RARB: variants seen among roughly 807,000 people sequenced by gnomAD.
RARB encodes HBV-activated protein.
In RARB, 17 loss-of-function variants were observed where a neutral mutation model predicts 51.9. The ratio of observed to expected loss-of-function variants is 0.33; its 90% CI spans 0.22 to 0.49. RARB has a LOEUF of 0.49. Among genes scored for constraint, RARB ranks in the 20% least tolerant of loss-of-function variants. The probability of loss-of-function intolerance (pLI) is 0.99; values close to 1 mark genes in which losing one functional copy is unlikely to be tolerated. For synonymous variants in RARB, 215 were observed against 195.4 expected, an observed-to-expected ratio of 1.10 and a Z score of -0.84; for missense variants, 369 against 550.8, an observed-to-expected ratio of 0.67 and a Z score of 3.30.
intron 5 of RARB, among the ~76,000 whole-genome samples, chr3:25,411,123 A>C (rs1436403929): frequency 1.3e-5 from 2 of 152,184 alleles, no homozygotes; most frequent in Non-Finnish European, 2.9e-5. Flanking sequence ...ACCTTTTTTT[A>C]AATCAGCATA....
chr3:24,955,670 G>A (rs375897077), intron 2 of RARB, among the ~76,000 whole-genome samples: 4 of 152,134 alleles, frequency 2.6e-5, no homozygotes, highest in Admixed American at 1.3e-4. Flanking sequence ...CCTAATGTGC[G>A]CAAGCTTATA....
At chr3:25,155,650 T>G (rs1464743341) in intron 4 of RARB, among the ~76,000 whole-genome samples, 2 of 152,206 alleles carry the variant, frequency 1.3e-5, no homozygotes, top group East Asian at 1.9e-4. Context: ...CCCACACACT[T>G]TTTTTCAAAA....
At chr3:24,863,796 C>T (rs1269154097) in intron 2 of RARB, among the ~76,000 whole-genome samples, 1 of 151,870 alleles carries the variant, frequency 6.6e-6, no homozygotes, top group African/African-American at 2.4e-5. Flanking sequence ...TTGATAACCT[C>T]CTACTTCACT....
intron 1 of RARB, among the ~76,000 whole-genome samples, chr3:24,840,407 AG>A (rs1702405024): frequency 2.0e-5 from 3 of 152,150 alleles, no homozygotes; most frequent in Non-Finnish European, 4.4e-5. Context: ...CCCTTAGCTG[AG>A]GTGGATGGAG....
chr3:24,863,105 G>A (rs1702784796), intron 2 of RARB, among the ~76,000 whole-genome samples: 1 of 152,202 alleles, frequency 6.6e-6, no homozygotes, highest in Non-Finnish European at 1.5e-5. Context: ...GAAAGAGGAG[G>A]CTGATTGATG....
intron 2 of RARB, among the ~76,000 whole-genome samples, chr3:24,957,720 A>C (rs114040782): frequency 0.016 from 2,388 of 152,296 alleles, 31 homozygotes; most frequent in Non-Finnish European, 0.023. Flanking sequence ...TTTGACCTCA[A>C]CTGTGTTCAA....
At chr3:25,412,774 T>C (rs4681021) in intron 5 of RARB, among the ~76,000 whole-genome samples, 128,094 of 152,170 alleles carry the variant, frequency 0.84, 54,218 homozygotes, top group East Asian at 1. Context: ...AATCCCAGCA[T>C]TTTGGGAGGC....
At chr3:25,086,864 C>G (rs73141467) in intron 3 of RARB, among the ~76,000 whole-genome samples, 1 of 152,020 alleles carries the variant, frequency 6.6e-6, no homozygotes, top group African/African-American at 2.4e-5. Flanking sequence ...ATAAAGCCTC[C>G]GCATAGCCTG....
At chr3:25,552,381 G>A (rs1286765) in intron 3 of RARB, among the ~76,000 whole-genome samples, 95,579 of 151,838 alleles carry the variant, frequency 0.63, 32,299 homozygotes, top group African/African-American at 0.89. Context: ...TATGTTCTCA[G>A]GATAATGAAA....
intron 2 of RARB, among the ~76,000 whole-genome samples, chr3:24,883,920 G>T (rs1379758502): frequency 6.6e-6 from 1 of 151,944 alleles, no homozygotes; most frequent in Non-Finnish European, 1.5e-5. Context: ...GCTCTATGTG[G>T]TTATTTAATT....
At chr3:25,216,273 T>TC (rs1701830341) in intron 5 of RARB, among the ~76,000 whole-genome samples, 2 of 152,214 alleles carry the variant, frequency 1.3e-5, no homozygotes, top group South Asian at 2.1e-4. Context: ...CTTATTTTTT[T>TC]CATTTCTTTA....
intron 5 of RARB, among the ~76,000 whole-genome samples, chr3:25,253,823 A>T (rs1263569381): frequency 6.6e-6 from 1 of 152,118 alleles, no homozygotes; most frequent in African/African-American, 2.4e-5. Context: ...ATCGAGCCCT[A>T]GTGGTCCCTC....
chr3:25,543,489 C>T (rs540307571), intron 3 of RARB, among the ~76,000 whole-genome samples: 129 of 152,232 alleles, frequency 8.5e-4, no homozygotes, highest in Middle Eastern at 3.4e-3. Context: ...GCCTCAATAA[C>T]TCTGCAGCTT....
intron 2 of RARB, among the ~76,000 whole-genome samples, chr3:25,043,564 G>A (rs1356573146): frequency 6.6e-6 from 1 of 152,232 alleles, no homozygotes; most frequent in South Asian, 2.1e-4. Flanking sequence ...AAGAAAGAAT[G>A]TTTTTCTCTA....
chr3:25,442,353 C>A (rs1479319467), intron 1 of RARB, among the ~76,000 whole-genome samples: 1 of 152,118 alleles, frequency 6.6e-6, no homozygotes, highest in Non-Finnish European at 1.5e-5. Context: ...TCAGGCTGGT[C>A]TCGAACTCCT....
At chr3:24,945,616 G>A (rs534788460) in intron 2 of RARB, among the ~76,000 whole-genome samples, 1 of 152,310 alleles carries the variant, frequency 6.6e-6, no homozygotes, top group South Asian at 2.1e-4. Flanking sequence ...TTGAATGAAC[G>A]TATTTCCAGA....
At chr3:25,214,944 A>G (rs904102467) in intron 5 of RARB, among the ~76,000 whole-genome samples, 1 of 152,204 alleles carries the variant, frequency 6.6e-6, no homozygotes, top group Non-Finnish European at 1.5e-5. Flanking sequence ...GTGCATGTGA[A>G]CCATACACAA....
chr3:25,410,231 A>G (rs1439300557), intron 5 of RARB, among the ~76,000 whole-genome samples: 1 of 152,200 alleles, frequency 6.6e-6, no homozygotes, highest in Non-Finnish European at 1.5e-5. Context: ...TAAGATACAA[A>G]TGAGTAGGCC....
intron 3 of RARB, among the ~76,000 whole-genome samples, chr3:25,525,602 C>T (rs949737597): frequency 1.3e-5 from 2 of 152,126 alleles, no homozygotes; most frequent in Non-Finnish European, 2.9e-5. Flanking sequence ...TGAAAGTCAG[C>T]ATAGACTAAA....
Sources: gnomAD v4.1 joint callset for allele counts (sites outside exome capture counted in the v4.1 genomes callset) on GRCh38, gnomAD v4.1.1 for gene constraint, MANE v1.5 for transcripts, NCBI Gene and HGNC (gene_info 2026-07-23, HGNC 2026-07-21) for gene names.